The following ANKFN1 variants were observed in gnomAD, a reference collection of about 807,000 sequenced individuals.
ANKFN1 encodes ankyrin repeat and fibronectin type III domain containing 1.
Under a neutral mutation model 108.7 loss-of-function variants are expected in ANKFN1, and 74 were observed. That is an observed-to-expected ratio of 0.68 (90% CI 0.56 to 0.83). The LOEUF (loss-of-function observed/expected upper bound fraction) is 0.83, where lower values mean the gene tolerates loss of function less well. Among genes scored for constraint, ANKFN1 ranks in the 40% least tolerant of loss-of-function variants. ANKFN1 has a pLI of 0.00. For missense variants in ANKFN1, 1,505 were observed against 1,382.3 expected (o/e 1.09, Z -1.41); for synonymous variants, 547 against 516.2 (o/e 1.06, Z -0.81).
chr17:56,183,756 T>C (rs1440881067), intron 1 of ANKFN1, among the ~76,000 whole-genome samples: 1 of 152,150 alleles, frequency 6.6e-6, no homozygotes, highest in Non-Finnish European at 1.5e-5. Flanking sequence ...TATATCTTTG[T>C]AACAATGCAA....
At chr17:56,193,704 G>C (rs1045904333) in intron 1 of ANKFN1, among the ~76,000 whole-genome samples, 1 of 152,084 alleles carries the variant, frequency 6.6e-6, no homozygotes, top group Non-Finnish European at 1.5e-5. Context: ...AAATGTGGAT[G>C]GTCTTTGATT....
intron 4 of ANKFN1, among the ~76,000 whole-genome samples, chr17:56,067,296 C>A (rs1181511820): frequency 3.2e-4 from 49 of 152,194 alleles, no homozygotes; most frequent in Admixed American, 3.2e-3. Context: ...ACTGCTTCCA[C>A]CTCTTTTTCC....
At chr17:56,444,758 A>G (rs1323460283) in intron 10 of ANKFN1, among the ~76,000 whole-genome samples, 2 of 152,344 alleles carry the variant, frequency 1.3e-5, no homozygotes, top group Non-Finnish European at 2.9e-5. Context: ...TACAGAGCCC[A>G]GCATTTGAAC....
At chr17:56,261,860 A>G (rs1192628192) in intron 3 of ANKFN1, among the ~76,000 whole-genome samples, 2 of 152,154 alleles carry the variant, frequency 1.3e-5, no homozygotes, top group African/African-American at 2.4e-5. Context: ...ACCCAGGAAC[A>G]ATACTTTGCA....
intron 3 of ANKFN1, among the ~76,000 whole-genome samples, chr17:56,232,507 T>C (rs1916814393): frequency 6.6e-6 from 1 of 152,172 alleles, no homozygotes; most frequent in Non-Finnish European, 1.5e-5. Context: ...ATGCAAAATA[T>C]ATTTATCCAT....
At chr17:56,242,771 TCA>T (rs888624080) in intron 3 of ANKFN1, among the ~76,000 whole-genome samples, 1 of 152,142 alleles carries the variant, frequency 6.6e-6, no homozygotes, top group Non-Finnish European at 1.5e-5. Context: ...ATTTAAAATT[TCA>T]CAGTTAGGAA....
At chr17:56,093,952 A>G (rs550597725) in intron 4 of ANKFN1, among the ~76,000 whole-genome samples, 8 of 151,310 alleles carry the variant, frequency 5.3e-5, no homozygotes, top group Non-Finnish European at 1.2e-4. Context: ...ATTTAAAGTG[A>G]AGTAATCGGG....
chr17:56,111,643 C>T lies in ANKFN1; in HGVS notation c.288+65318C>T, dbSNP rs554539628. Among the ~76,000 whole-genome samples, 3 of 152,022 alleles carry T rather than the reference C, an allele frequency of 2.0e-5. No homozygotes were observed. In the South Asian group the frequency reaches 6.2e-4, roughly 32 times the overall value. On this transcript the variant is annotated intron_variant, in intron 4 of 12. Coordinates refer to the ANKFN1 transcript ENST00000635860. ...CCCCCAAAATAAGCATCTTAGGTGA[C>T]ATCTCCCATAGTTCTAAATTTGTTA... is the stretch of plus-strand genomic sequence containing the variant.
intron 1 of ANKFN1, chr17:56,174,304 A>C (rs1416119555): frequency 2.0e-6 from 2 of 985,474 alleles, no homozygotes; most frequent in African/African-American, 3.5e-5. Context: ...CAGCCTAGCC[A>C]GGGGACCCTG....
chr17:56,504,475 C>T (rs981441093), intron 20 of ANKFN1, among the ~76,000 whole-genome samples: 4 of 152,138 alleles, frequency 2.6e-5, no homozygotes, highest in Admixed American at 6.5e-5. Flanking sequence ...TGGACTAGAT[C>T]ATCACCAGCA....
rs772914613 is a variant in ANKFN1 at position 56,354,035 on chromosome 17, A to G, written c.590A>G (p.Glu197Gly). The G allele has an allele frequency of 2.5e-6, 4 of 1,613,820 alleles. No individual in the cohort carries two copies. The highest frequency in any genetic ancestry group is 1.3e-5 in the African/African-American group (1 of 75,054). Residue 197 changes from glutamate (E) to glycine (G), a missense_variant, in exon 6 of 21, where the codon GAA becomes GGA. By Grantham distance (98) the Glu-to-Gly change is moderately conservative (BLOSUM62 -2). Transcript: ENST00000682825. Reference protein sequence around the residue: ...ARILLRTGARESPHFVSLESR... With the variant: ...ARILLRTGARGSPHFVSLESR... ...ATTCTTCTGAGGACAGGGGCCCGAG[A>G]AAGTCCACACTGTAAGTAACCTGAG...
intron 4 of ANKFN1, among the ~76,000 whole-genome samples, chr17:56,146,150 T>G (rs184418833): frequency 6.6e-6 from 1 of 152,362 alleles, no homozygotes; most frequent in Admixed American, 6.5e-5. Flanking sequence ...TGACTCCATG[T>G]GTCACATCCA....
intron 8 of ANKFN1, among the ~76,000 whole-genome samples, chr17:56,414,103 G>A (rs1208711262): frequency 1.3e-5 from 2 of 152,138 alleles, no homozygotes; most frequent in African/African-American, 4.8e-5. Context: ...ATTTTGTTGA[G>A]GAGTTTTACA....
chr17:56,461,295 T>C (rs1156939578), intron 14 of ANKFN1, among the ~76,000 whole-genome samples: 2 of 152,216 alleles, frequency 1.3e-5, no homozygotes, highest in African/African-American at 4.8e-5. Flanking sequence ...CAAAATTGTA[T>C]AGTTCAGGCA....
chr17:56,266,592 G>T lies in ANKFN1; in HGVS notation c.53+38635G>T, dbSNP rs146690257. Among the ~76,000 whole-genome samples the T allele has an allele frequency of 2.4e-3, 359 of 152,222 alleles. 1 individual carries two copies. The highest frequency in any genetic ancestry group is 4.5e-3 in the Non-Finnish European group (305 of 68,022). Reference sequence around the variant, plus strand: ...TTCTAAACAGTGTGTCAGGCTACATGACCTTAGTTTGCCAGTGTAGACATT... The same window carrying T: ...TTCTAAACAGTGTGTCAGGCTACATTACCTTAGTTTGCCAGTGTAGACATT... On this transcript the variant is annotated intron_variant, in intron 3 of 20. Coordinates refer to ENST00000682825, the MANE Select transcript of ANKFN1 (RefSeq NM_001370326.1).
chr17:56,134,352 T>A (rs1028310723), intron 4 of ANKFN1, among the ~76,000 whole-genome samples: 5 of 152,090 alleles, frequency 3.3e-5, no homozygotes, highest in African/African-American at 4.8e-5. Context: ...GTAGGCATGA[T>A]TTATTATTCA....
intron 1 of ANKFN1, chr17:56,195,482 C>T (rs1318923653): frequency 6.6e-6 from 1 of 152,186 alleles, no homozygotes; most frequent in Non-Finnish European, 1.5e-5. Context: ...ACTGGTTCCC[C>T]TTTCTTGGCC....
chr17:56,358,493 C>T (rs1010397362), intron 6 of ANKFN1, among the ~76,000 whole-genome samples: 1 of 152,198 alleles, frequency 6.6e-6, no homozygotes, highest in Non-Finnish European at 1.5e-5. Flanking sequence ...AACTTGTACA[C>T]TGCTCTCAAG....
intron 4 of ANKFN1, among the ~76,000 whole-genome samples, chr17:56,120,228 G>A (rs1290443964): frequency 6.6e-6 from 1 of 152,070 alleles, no homozygotes; most frequent in Non-Finnish European, 1.5e-5. Context: ...GCATCAACCT[G>A]CCATTCACAG....
Sources: allele counts gnomAD v4.1 joint callset (sites outside exome capture counted in the v4.1 genomes callset), GRCh38; gene constraint gnomAD v4.1.1; transcripts MANE v1.5; gene names NCBI Gene and HGNC (gene_info 2026-07-23, HGNC 2026-07-21).